Variants in TAS1R2 observed in about 807,000 individuals in gnomAD.
The protein encoded by TAS1R2 is taste 1 receptor member 2, also known as taste receptor type 1 member 2.
A neutral mutation model predicts 49.3 loss-of-function variants in TAS1R2; 47 were observed. That is an observed-to-expected ratio of 0.95 (90% CI 0.75 to 1.22). TAS1R2 has a LOEUF of 1.22. TAS1R2 is among the 50% of genes most tolerant of loss of function. The pLI, the probability that TAS1R2 is intolerant of heterozygous loss-of-function variation, is 0.00. For missense variants in TAS1R2, 1,155 were observed against 1,122.1 expected, an observed-to-expected ratio of 1.03 and a Z score of -0.42; for synonymous variants, 479 against 467.9, an observed-to-expected ratio of 1.02 and a Z score of -0.31.
Position 18,840,326 on chromosome 1 carries a change from G to T in TAS1R2, c.1793C>A (p.Ser598Ter). Residue 598 changes from serine to a stop codon, truncating the protein, a stop_gained, in exon 6 of 6, where the codon TCG (serine) becomes TAG (stop). Coordinates refer to ENST00000375371, the Ensembl canonical transcript of TAS1R2. LOFTEE classifies it low-confidence loss of function (END_TRUNC). Reference sequence around the variant, plus strand: ...CAGGAAGCACATGGGGCCCCCAGCCGAGCGAACTATGGGTGTCTGGAAGTG... The same window carrying T: ...CAGGAAGCACATGGGGCCCCCAGCCTAGCGAACTATGGGTGTCTGGAAGTG... The T allele has an allele frequency of 6.2e-7, 1 of 1,614,082 alleles. No homozygotes were observed. Among genetic ancestry groups the T allele is most frequent in the Non-Finnish European group, 8.5e-7 (1 of 1,180,022 alleles).
intron 4 of TAS1R2, among the ~76,000 whole-genome samples, chr1:18,847,985 C>T (rs1933952945): frequency 6.6e-6 from 1 of 152,222 alleles, no homozygotes; most frequent in Non-Finnish European, 1.5e-5. Context: ...TCTTGTGAGA[C>T]TTATCCACTA....
chr1:18,858,766 C>T (rs995566600), intron 1 of TAS1R2, among the ~76,000 whole-genome samples: 1 of 152,222 alleles, frequency 6.6e-6, no homozygotes, highest in Non-Finnish European at 1.5e-5. Flanking sequence ...GGTGCCATCA[C>T]CTTCACCATT....
At chr1:18,847,958 T>C (rs1208370226) in intron 4 of TAS1R2, among the ~76,000 whole-genome samples, 1 of 152,202 alleles carries the variant, frequency 6.6e-6, no homozygotes, top group Admixed American at 6.5e-5. Flanking sequence ...GAAACTCCCA[T>C]TTTTAAAACC....
At chr1:18,852,609 C>A (rs1026739989) in intron 3 of TAS1R2, among the ~76,000 whole-genome samples, 1 of 152,100 alleles carries the variant, frequency 6.6e-6, no homozygotes, top group Non-Finnish European at 1.5e-5. Flanking sequence ...GCTCTATGAA[C>A]GCCTGCTGCC....
chr1:18,857,264 G>A, intron 2 of TAS1R2, 67 bp downstream of exon 2: 1 of 1,517,402 alleles, frequency 6.6e-7, no homozygotes, highest in Non-Finnish European at 8.9e-7. Context: ...AGTGGCTTCT[G>A]AGGCCTCTAG....
Position 18,841,872 on chromosome 1 carries a change from A to AG in TAS1R2, c.1468-21dup. On this transcript the variant is annotated intron_variant, in intron 4 of 5. Transcript: ENST00000375371. ...AGGGATCTGGAGGGAGGAGGGCAAG[A>AG]GACCCTGAGTCCTCTTTTCCCACAT... The AG allele has an allele frequency of 1.3e-6, 2 of 1,568,922 alleles. No individual in the cohort carries two copies. Among genetic ancestry groups the AG allele is most frequent in the Non-Finnish European group, 1.7e-6 (2 of 1,146,540 alleles).
chr1:18,845,513 A>G (rs1265958132), intron 4 of TAS1R2, among the ~76,000 whole-genome samples: 1 of 152,240 alleles, frequency 6.6e-6, no homozygotes, highest in Admixed American at 6.5e-5. Context: ...CTCTGCTGGA[A>G]TAGAGATTCT....
chr1:18,845,937 C>A (rs1470812035), intron 4 of TAS1R2, among the ~76,000 whole-genome samples: 1 of 152,190 alleles, frequency 6.6e-6, no homozygotes, highest in East Asian at 1.9e-4. Context: ...TCAGTGACAA[C>A]TTTGGGTAGT....
chr1:18,851,231 G>A (rs1389649091), intron 3 of TAS1R2, among the ~76,000 whole-genome samples: 3 of 152,186 alleles, frequency 2.0e-5, no homozygotes, highest in African/African-American at 7.2e-5. Context: ...AGCCAGACCA[G>A]TGCCGAGGGC....
chr1:18,844,849 G>A (rs924363209), intron 4 of TAS1R2, among the ~76,000 whole-genome samples: 1 of 152,198 alleles, frequency 6.6e-6, no homozygotes, highest in Non-Finnish European at 1.5e-5. Flanking sequence ...GCACAGAGTG[G>A]CCATGATGTC....
At chr1:18,841,315 G>A (rs556856571) in intron 5 of TAS1R2, among the ~76,000 whole-genome samples, 2 of 152,334 alleles carry the variant, frequency 1.3e-5, no homozygotes, top group Admixed American at 1.3e-4. Context: ...CTAGGCACTT[G>A]GGAGGCCAGA....
chr1:18,854,842 C>G lies in TAS1R2; in HGVS notation c.628G>C (p.Val210Leu), dbSNP rs200290887. Residue 210 changes from valine (V) to leucine (L), a missense_variant, in exon 3 of 6, where the codon GTG becomes CTG. By Grantham distance (32) the Val-to-Leu change is conservative. Transcript: ENST00000375371. The surrounding 1 kb of genome is among the most constrained non-coding windows in gnomAD (Gnocchi z 4.9). ...TCGCGGCCATAGGTGTCGCTGCTCACCAGCACAATGATCCAGTTCCAGCGG... is the reference window on the plus strand; with the variant it reads ...TCGCGGCCATAGGTGTCGCTGCTCAGCAGCACAATGATCCAGTTCCAGCGG... 510 of 1,609,790 alleles carry G rather than the reference C, an allele frequency of 3.2e-4. 2 individuals carry two copies. The highest frequency in any genetic ancestry group is 9.3e-4 in the South Asian group (85 of 91,002).
chr1:18,841,637 A>T, intron 5 of TAS1R2, 92 bp downstream of exon 5: 1 of 1,503,962 alleles, frequency 6.6e-7, no homozygotes, highest in East Asian at 2.3e-5. Context: ...TACTCCAGAG[A>T]CCCTGCCAAG....
rs150544987 is a variant in TAS1R2, at chr1:18,840,495, C to T, written c.1624G>A (p.Glu542Lys). The stretch of plus-strand genomic sequence containing the variant: ...GAGGTCTCACTCTGGTAGGACCACT[C>T]GTTATTCGGGCAGGCCTGGCATTCA... The change falls in exon 6 of 6, where the codon GAG becomes AAG. Residue 542 changes from glutamate to lysine, a missense_variant. Physicochemically the swap from Glu to Lys is moderately conservative, Grantham distance 56. Coordinates refer to ENST00000375371, the Ensembl canonical transcript of TAS1R2. The T allele has an allele frequency of 7.0e-5, 113 of 1,614,050 alleles. No homozygotes were observed. The highest frequency in any genetic ancestry group is 8.9e-5 in the Non-Finnish European group (105 of 1,180,034).
intron 2 of TAS1R2, among the ~76,000 whole-genome samples, chr1:18,855,785 G>T (rs1287571913): frequency 6.6e-6 from 1 of 152,168 alleles, no homozygotes; most frequent in East Asian, 1.9e-4. Flanking sequence ...CTTGGCTGGT[G>T]ATGAATCCAT....
At chr1:18,846,825 G>A (rs187502717) in intron 4 of TAS1R2, among the ~76,000 whole-genome samples, 34 of 152,366 alleles carry the variant, frequency 2.2e-4, no homozygotes, top group Admixed American at 1.8e-3. Context: ...AGTCCCCAGC[G>A]TTGGAGGTGA....
exon 6 of TAS1R2, chr1:18,839,631 T>C: frequency 6.2e-7 from 1 of 1,612,480 alleles, no homozygotes; most frequent in Non-Finnish European, 8.5e-7. Flanking sequence ...CCCTGGATCA[T>C]GCTGTTGAAG....
intron 4 of TAS1R2, among the ~76,000 whole-genome samples, chr1:18,845,373 G>A (rs948196887): frequency 1.4e-4 from 21 of 152,310 alleles, no homozygotes; most frequent in African/African-American, 5.1e-4. Flanking sequence ...TGAATGAATG[G>A]CTTGTGTATA....
exon 6 of TAS1R2, chr1:18,840,061 C>T (rs140129025): frequency 1.3e-5 from 21 of 1,614,086 alleles, no homozygotes; most frequent in South Asian, 6.6e-5. Flanking sequence ...TTTTGAGTAC[C>T]GTGATAAATG....
Sources: allele counts gnomAD v4.1 joint callset (sites outside exome capture counted in the v4.1 genomes callset), GRCh38; gene constraint gnomAD v4.1.1; non-coding constraint Gnocchi (gnomAD v3.1); transcripts MANE v1.5; gene names NCBI Gene and HGNC (gene_info 2026-07-23, HGNC 2026-07-21).